Variants in PCDH9 observed in about 807,000 individuals in gnomAD.
PCDH9 encodes protocadherin-9.
In PCDH9, 24 loss-of-function variants were observed where a neutral mutation model predicts 70.6. That is an observed-to-expected ratio of 0.34 (90% CI 0.25 to 0.48). PCDH9 has a LOEUF of 0.48. Among genes scored for constraint, PCDH9 ranks in the 20% least tolerant of loss-of-function variants. The probability of loss-of-function intolerance (pLI) is 0.99; values close to 1 mark genes in which losing one functional copy is unlikely to be tolerated. For missense variants in PCDH9, 1,281 were observed against 1,503.6 expected, an observed-to-expected ratio of 0.85 and a Z score of 2.45; for synonymous variants, 562 against 558.5, an observed-to-expected ratio of 1.01 and a Z score of -0.09.
intron 2 of PCDH9, chr13:67,214,006 G>A (rs1042114146): frequency 2.0e-5 from 3 of 152,086 alleles, no homozygotes; most frequent in Non-Finnish European, 2.9e-5. Flanking sequence ...TAACTTTATC[G>A]TGATGGTTTC....
intron 4 of PCDH9, among the ~76,000 whole-genome samples, chr13:66,589,833 A>G (rs753856892): frequency 2.2e-4 from 34 of 152,140 alleles, no homozygotes; most frequent in Non-Finnish European, 4.9e-4. Context: ...AATACATATT[A>G]TAGTTAAATG....
intron 3 of PCDH9, among the ~76,000 whole-genome samples, chr13:66,866,729 G>A (rs1023810699): frequency 2.0e-5 from 3 of 149,768 alleles, no homozygotes; most frequent in Non-Finnish European, 4.5e-5. Flanking sequence ...CCCAGGATAC[G>A]GAGGTTGCAA....
intron 3 of PCDH9, among the ~76,000 whole-genome samples, chr13:66,890,414 T>C (rs992318117): frequency 1.3e-5 from 2 of 151,262 alleles, no homozygotes; most frequent in African/African-American, 4.8e-5. Context: ...GACTAAACTT[T>C]AGACAAACTT....
chr13:66,330,832 G>C (rs1254039269), intron 4 of PCDH9, among the ~76,000 whole-genome samples: 11 of 152,110 alleles, frequency 7.2e-5, no homozygotes, highest in Non-Finnish European at 1.6e-4. Context: ...ATCACATCCA[G>C]CCTTAGCACA....
chr13:66,580,107 A>G (rs2076869598), intron 4 of PCDH9, among the ~76,000 whole-genome samples: 1 of 152,104 alleles, frequency 6.6e-6, no homozygotes, highest in Non-Finnish European at 1.5e-5. Context: ...TGTTAGTGTT[A>G]GAGTAAATGA....
chr13:66,973,935 T>C (rs925008259), intron 2 of PCDH9, among the ~76,000 whole-genome samples: 3 of 152,042 alleles, frequency 2.0e-5, no homozygotes, highest in African/African-American at 7.2e-5. Flanking sequence ...AGAATTTGTT[T>C]AGTTACAATA....
intron 3 of PCDH9, among the ~76,000 whole-genome samples, chr13:66,776,853 G>A (rs2079902954): frequency 7.5e-6 from 1 of 133,178 alleles, no homozygotes; most frequent in Non-Finnish European, 1.6e-5. Context: ...CAAAGCTGGA[G>A]GCATCATGCT....
At chr13:67,127,613 T>A (rs2087008304) in intron 2 of PCDH9, among the ~76,000 whole-genome samples, 3 of 152,100 alleles carry the variant, frequency 2.0e-5, no homozygotes, top group African/African-American at 7.2e-5. Context: ...GCCAAGTTAC[T>A]CTGGCCTTCT....
intron 3 of PCDH9, among the ~76,000 whole-genome samples, chr13:66,857,981 A>G (rs2081422110): frequency 6.6e-6 from 1 of 152,258 alleles, no homozygotes; most frequent in East Asian, 1.9e-4. Flanking sequence ...CTAATAACCC[A>G]GGAAGCATCC....
chr13:67,171,559 C>G (rs537328716), intron 2 of PCDH9, among the ~76,000 whole-genome samples: 1 of 152,332 alleles, frequency 6.6e-6, no homozygotes, highest in South Asian at 2.1e-4. Context: ...TAGACTCAGG[C>G]AAAATTGTGA....
chr13:67,134,851 T>C (rs1340658671), intron 2 of PCDH9, among the ~76,000 whole-genome samples: 1 of 152,114 alleles, frequency 6.6e-6, no homozygotes, highest in African/African-American at 2.4e-5. Flanking sequence ...AAATTTATGT[T>C]GAAAACTGTC....
At chr13:66,592,448 T>C (rs2077050507) in intron 4 of PCDH9, among the ~76,000 whole-genome samples, 1 of 151,748 alleles carries the variant, frequency 6.6e-6, no homozygotes, top group African/African-American at 2.4e-5. Flanking sequence ...AAATTTGATA[T>C]ATCTTTGGCT....
chr13:66,987,987 G>A (rs923926573), intron 2 of PCDH9, among the ~76,000 whole-genome samples: 6 of 151,826 alleles, frequency 4.0e-5, no homozygotes, highest in African/African-American at 1.5e-4. Context: ...GGCTCAATAA[G>A]TTCTTGGGCT....
At chr13:66,605,615 T>C (rs1272714441) in intron 4 of PCDH9, among the ~76,000 whole-genome samples, 3 of 152,184 alleles carry the variant, frequency 2.0e-5, no homozygotes, top group Non-Finnish European at 1.5e-5. Context: ...AAACAGCAAA[T>C]GAAGTGTCCA....
intron 3 of PCDH9, among the ~76,000 whole-genome samples, chr13:66,676,191 G>A (rs568482428): frequency 6.6e-6 from 1 of 152,040 alleles, no homozygotes; most frequent in African/African-American, 2.4e-5. Context: ...ATTTCATGCT[G>A]GTTAGTGTGG....
intron 2 of PCDH9, among the ~76,000 whole-genome samples, chr13:67,184,875 G>A (rs1193883166): frequency 6.6e-6 from 1 of 152,138 alleles, no homozygotes; most frequent in Non-Finnish European, 1.5e-5. Context: ...TTTCTGACCT[G>A]TCAAAAGATT....
At chr13:66,866,212 G>A (rs535202307) in intron 3 of PCDH9, among the ~76,000 whole-genome samples, 9 of 152,324 alleles carry the variant, frequency 5.9e-5, no homozygotes, top group African/African-American at 2.2e-4. Flanking sequence ...GCCATGCGCG[G>A]TGACTCACGC....
intron 4 of PCDH9, among the ~76,000 whole-genome samples, chr13:66,416,113 T>A (rs1957455133): frequency 6.6e-6 from 1 of 152,118 alleles, no homozygotes. Context: ...ATTTTGCCAT[T>A]TTGCGGGGAT....
At chr13:67,047,131 T>G (rs189255329) in intron 2 of PCDH9, among the ~76,000 whole-genome samples, 5 of 152,186 alleles carry the variant, frequency 3.3e-5, no homozygotes, top group African/African-American at 9.6e-5. Flanking sequence ...GATGTACTCT[T>G]GGTTACACAA....
Sources: gnomAD v4.1 joint callset for allele counts (sites outside exome capture counted in the v4.1 genomes callset) on GRCh38, gnomAD v4.1.1 for gene constraint, MANE v1.5 for transcripts, NCBI Gene and HGNC (gene_info 2026-07-23, HGNC 2026-07-21) for gene names.